The following A4GALT variants were observed in gnomAD, a reference collection of about 807,000 sequenced individuals.
A4GALT encodes the protein alpha 1,4-galactosyltransferase (P1PK blood group).
For missense variants in A4GALT, 512 were observed against 486.0 expected, an observed-to-expected ratio of 1.05 and a Z score of -0.50; for synonymous variants, 257 against 220.7, an observed-to-expected ratio of 1.16 and a Z score of -1.46.
intron 1 of A4GALT, among the ~76,000 whole-genome samples, chr22:42,709,253 T>C (rs1167378421): frequency 6.7e-6 from 1 of 149,224 alleles, no homozygotes; most frequent in African/African-American, 2.5e-5. Context: ...GGTTTCACCG[T>C]GTTACCCAGG....
intron 1 of A4GALT, among the ~76,000 whole-genome samples, chr22:42,697,172 C>G (rs1979786044): frequency 6.6e-6 from 1 of 152,092 alleles, no homozygotes; most frequent in Non-Finnish European, 1.5e-5. Flanking sequence ...ATGAGTTAAC[C>G]AATGAGTGAA....
chr22:42,711,633 G>GT (rs1458362259), intron 1 of A4GALT, among the ~76,000 whole-genome samples: 1 of 151,988 alleles, frequency 6.6e-6, no homozygotes, highest in Non-Finnish European at 1.5e-5. Flanking sequence ...TCTGTATTTT[G>GT]TTTTTTGTTT....
chr22:42,719,283 T>C (rs1922472374), intron 1 of A4GALT, among the ~76,000 whole-genome samples: 1 of 152,138 alleles, frequency 6.6e-6, no homozygotes, highest in Non-Finnish European at 1.5e-5. Context: ...CCCAAGGCAT[T>C]AGAAAAATGT....
At chr22:42,714,508 G>C (rs1000813115) in intron 1 of A4GALT, among the ~76,000 whole-genome samples, 1 of 151,688 alleles carries the variant, frequency 6.6e-6, no homozygotes, top group Admixed American at 6.6e-5. Flanking sequence ...CCAGAAGACT[G>C]AGCCAGGGTT....
intron 1 of A4GALT, among the ~76,000 whole-genome samples, chr22:42,708,080 C>G (rs982333034): frequency 2.6e-5 from 4 of 151,818 alleles, no homozygotes; most frequent in Non-Finnish European, 5.9e-5. Flanking sequence ...ATGGAGAAAC[C>G]CCATCTCTAC....
intron 1 of A4GALT, among the ~76,000 whole-genome samples, chr22:42,704,390 G>A (rs1200470941): frequency 6.6e-6 from 1 of 152,010 alleles, no homozygotes; most frequent in Non-Finnish European, 1.5e-5. Context: ...AGGAGGCTGA[G>A]GCAGGAGAAT....
intron 1 of A4GALT, among the ~76,000 whole-genome samples, chr22:42,712,771 T>C (rs1355376719): frequency 1.3e-5 from 2 of 152,104 alleles, no homozygotes; most frequent in Non-Finnish European, 2.9e-5. Flanking sequence ...TGGCTGGGCG[T>C]GGTGGCGGAA....
At chr22:42,716,233 G>T (rs926200501) in intron 1 of A4GALT, among the ~76,000 whole-genome samples, 1 of 152,180 alleles carries the variant, frequency 6.6e-6, no homozygotes, top group Non-Finnish European at 1.5e-5. Flanking sequence ...GGCTCTCCCA[G>T]GGCATAGGAG....
chr22:42,720,986 G>A (rs1243283867), upstream of A4GALT: 2 of 151,242 alleles, frequency 1.3e-5, no homozygotes, highest in Admixed American at 1.3e-4. Flanking sequence ...CCCTTGCGGG[G>A]TCCCCGCGAC....
intron 1 of A4GALT, among the ~76,000 whole-genome samples, chr22:42,715,820 A>G (rs973332484): frequency 3.4e-5 from 5 of 149,104 alleles, no homozygotes; most frequent in African/African-American, 1.2e-4. Flanking sequence ...ACCTGGCCGG[A>G]AAGATACAAT....
chr22:42,715,855 G>A (rs1200567446), intron 1 of A4GALT, among the ~76,000 whole-genome samples: 1 of 38,858 alleles, frequency 2.6e-5, no homozygotes, highest in Admixed American at 2.8e-4. Context: ...TTTTTGAGAT[G>A]GAGTTTCGCT....
In A4GALT at chr22:42,693,115, C is replaced by A; in HGVS notation, c.837G>T (p.Leu279=). 1.2e-6 allele frequency: 2 copies of A among 1,611,380 alleles called. No individual in the cohort carries two copies. The highest frequency in any genetic ancestry group is 1.6e-4 in the Middle Eastern group (1 of 6,062). ...ESRACRGVTT[L]PPEAFYPIPW... is the part of the protein sequence containing the mutation. ...GGATGGGGTAGAAGGCCTCAGGGGG[C>A]AGGGTGGTGACGCCGCGGCAGGCGC... Residue 279 remains leucine, a synonymous_variant, in exon 3 of 3, where the codon CTG becomes CTT. Coordinates refer to ENST00000642412, the MANE Select transcript of A4GALT (RefSeq NM_017436.7).
chr22:42,708,995 A>G (rs1921415581), intron 1 of A4GALT, among the ~76,000 whole-genome samples: 1 of 151,290 alleles, frequency 6.6e-6, no homozygotes, highest in Non-Finnish European at 1.5e-5. Context: ...AAACTCAGAA[A>G]TAACAGATAA....
intron 1 of A4GALT, among the ~76,000 whole-genome samples, chr22:42,720,124 C>A (rs537243529): frequency 6.6e-6 from 1 of 152,296 alleles, no homozygotes; most frequent in South Asian, 2.1e-4. Flanking sequence ...TCAACCTTCC[C>A]CAGCTGGAGA....
intron 1 of A4GALT, among the ~76,000 whole-genome samples, chr22:42,696,000 G>A (rs1409120887): frequency 6.6e-6 from 1 of 151,736 alleles, no homozygotes; most frequent in African/African-American, 2.4e-5. Flanking sequence ...GTGTGCGCCT[G>A]TAATCCCAGC....
chr22:42,695,137 C>A (rs1383728379), intron 2 of A4GALT: 1 of 152,194 alleles, frequency 6.6e-6, no homozygotes, highest in Non-Finnish European at 1.5e-5. Flanking sequence ...GAACTTGGTG[C>A]ATGCTGACCT....
chr22:42,692,963 G>T lies in A4GALT; in HGVS notation c.989C>A (p.Ser330Tyr). Reference protein sequence around the residue: ...KSQGTRFEATSRALLAQLHAR... With the variant: ...KSQGTRFEATYRALLAQLHAR... ...ATGCAGCTGGGCCAGCAGTGCCCTG[G>T]ACGTGGCCTCGAACCGCGTGCCCTG... The change falls in exon 3 of 3, where the codon TCC (serine) becomes TAC (tyrosine). Residue 330 changes from serine (S) to tyrosine (Y), a missense_variant. By Grantham distance (144) the Ser-to-Tyr change is moderately radical (BLOSUM62 -2). Coordinates refer to ENST00000642412, the MANE Select transcript of A4GALT (RefSeq NM_017436.7). The surrounding 1 kb of genome is among the most constrained non-coding windows in gnomAD (Gnocchi z 4.6). The T allele has an allele frequency of 6.2e-7, 1 of 1,612,592 alleles. No individual in the cohort carries two copies. The highest frequency in any genetic ancestry group is 8.5e-7 in the Non-Finnish European group (1 of 1,179,950).
chr22:42,694,699 G>A (rs577138419), intron 2 of A4GALT: 4 of 152,536 alleles, frequency 2.6e-5, no homozygotes, highest in African/African-American at 9.6e-5. Context: ...GAACACCTGG[G>A]AGGCATGAGA....
intron 1 of A4GALT, among the ~76,000 whole-genome samples, chr22:42,702,354 T>C (rs1920927884): frequency 6.6e-6 from 1 of 151,550 alleles, no homozygotes; most frequent in South Asian, 2.1e-4. Flanking sequence ...TTTTTTTTTT[T>C]TTCACAGATG....
Sources: gnomAD v4.1 joint callset for allele counts (sites outside exome capture counted in the v4.1 genomes callset) on GRCh38, gnomAD v4.1.1 for gene constraint, Gnocchi (gnomAD v3.1) non-coding constraint, MANE v1.5 for transcripts, NCBI Gene and HGNC (gene_info 2026-07-23, HGNC 2026-07-21) for gene names.